ABLIM1: variants seen among roughly 807,000 people sequenced by gnomAD.
The protein encoded by ABLIM1 is actin-binding LIM protein 1.
ABLIM1 carries 40 observed loss-of-function variants against 107.0 expected under a neutral mutation model. That is an observed-to-expected ratio of 0.37 (90% confidence interval 0.29 to 0.49). The LOEUF (loss-of-function observed/expected upper bound fraction) is 0.49. ABLIM1 is among the 20% of genes least tolerant of loss of function. ABLIM1 has a pLI of 0.97. For synonymous variants in ABLIM1, 357 were observed against 357.3 expected (o/e 1.00, Z 0.01); for missense variants, 857 against 1,008.5 (o/e 0.85, Z 2.04).
chr10:114,709,847 C>T (rs2141937625), intron 1 of ABLIM1, among the ~76,000 whole-genome samples: 1 of 152,136 alleles, frequency 6.6e-6, no homozygotes, highest in South Asian at 2.1e-4. Flanking sequence ...TGACTTTTTT[C>T]CCTTCCTAAA....
chr10:114,556,611 G>A (rs984607772), intron 4 of ABLIM1, among the ~76,000 whole-genome samples: 1 of 152,172 alleles, frequency 6.6e-6, no homozygotes, highest in African/African-American at 2.4e-5. Context: ...TGACATCTTT[G>A]AGGCAGAAAT....
At position 114,700,326 on chromosome 10, in the gene ABLIM1, G is replaced by T. The variant is rs115948546; in HGVS notation, c.-213+67735C>A. On this transcript the variant is annotated intron_variant, in intron 1 of 15. Coordinates refer to the ABLIM1 transcript ENST00000651092. ...AGTAAAGATATATATCATGTCTATG[G>T]ATTATAAGGTTCAATATATAAGATC... Among the ~76,000 whole-genome samples the T allele has an allele frequency of 3.5e-3, 530 of 152,178 alleles. 3 individuals are homozygous for T. Among genetic ancestry groups the T allele is most frequent in the African/African-American group, 0.012 (504 of 41,514 alleles).
At chr10:114,716,974 G>A (rs1566267948) in intron 1 of ABLIM1, among the ~76,000 whole-genome samples, 1 of 152,060 alleles carries the variant, frequency 6.6e-6, no homozygotes, top group Non-Finnish European at 1.5e-5. Context: ...GTGTACATGT[G>A]TGCCAAATTT....
chr10:114,465,171 T>C (rs2064889796), intron 12 of ABLIM1, among the ~76,000 whole-genome samples: 1 of 152,210 alleles, frequency 6.6e-6, no homozygotes, highest in South Asian at 2.1e-4. Flanking sequence ...TGATTTTATG[T>C]TTCCTAAGAA....
At chr10:114,447,117 T>C (rs532433679) in intron 15 of ABLIM1, among the ~76,000 whole-genome samples, 4 of 152,338 alleles carry the variant, frequency 2.6e-5, no homozygotes, top group African/African-American at 9.6e-5. Flanking sequence ...TAAGATCGTG[T>C]CTTTGTAAAG....
chr10:114,643,282 G>A (rs1005044745), intron 1 of ABLIM1, among the ~76,000 whole-genome samples: 1 of 152,182 alleles, frequency 6.6e-6, no homozygotes, highest in Admixed American at 6.5e-5. Flanking sequence ...GAGGTGAGTA[G>A]GAGACAACTA....
chr10:114,632,531 G>T (rs984299547), intron 1 of ABLIM1: 1 of 985,176 alleles, frequency 1.0e-6, no homozygotes, highest in Admixed American at 6.2e-5. Context: ...GCAATTTCAA[G>T]TTCACTTTCT....
At chr10:114,551,373 A>G (rs2068038874) in intron 4 of ABLIM1, among the ~76,000 whole-genome samples, 1 of 152,258 alleles carries the variant, frequency 6.6e-6, no homozygotes, top group Non-Finnish European at 1.5e-5. Flanking sequence ...GAAAGTCTTG[A>G]GGGCTTGGCC....
At chr10:114,527,659 C>CTTTTT (rs10639922) in intron 6 of ABLIM1, among the ~76,000 whole-genome samples, 9 of 127,286 alleles carry the variant, frequency 7.1e-5, no homozygotes, top group African/African-American at 1.2e-4. Flanking sequence ...CAACTCTTGT[C>CTTTTT]TTTTTTTTTT....
chr10:114,741,481 T>G (rs1246789423), intron 1 of ABLIM1, among the ~76,000 whole-genome samples: 1 of 152,030 alleles, frequency 6.6e-6, no homozygotes, highest in East Asian at 1.9e-4. Flanking sequence ...CGCCTCAGCC[T>G]CCCAAAGTGC....
At chr10:114,491,012 G>GTGTATGTGTATATA in intron 7 of ABLIM1, among the ~76,000 whole-genome samples, 1 of 92,396 alleles carries the variant, frequency 1.1e-5, no homozygotes, top group African/African-American at 4.6e-5. Context: ...GTGTGTGTGT[G>GTGTATGTGTATATA]TATATATATA....
chr10:114,587,681 C>T (rs577833325), intron 2 of ABLIM1, among the ~76,000 whole-genome samples: 36 of 152,314 alleles, frequency 2.4e-4, no homozygotes, highest in African/African-American at 8.4e-4. Flanking sequence ...TCACCGCCCA[C>T]TGTCCTGAAC....
At chr10:114,650,895 T>A (rs1369543287) in intron 1 of ABLIM1, among the ~76,000 whole-genome samples, 1 of 152,178 alleles carries the variant, frequency 6.6e-6, no homozygotes, top group Non-Finnish European at 1.5e-5. Context: ...ATGCCAGCAT[T>A]TCTAAAATAC....
intron 7 of ABLIM1, among the ~76,000 whole-genome samples, chr10:114,491,002 G>GTATATA (rs1172082588): frequency 1.3e-5 from 1 of 78,100 alleles, no homozygotes; most frequent in African/African-American, 8.5e-5. Context: ...GTGTGTGTGT[G>GTATATA]TGTGTGTGTG....
At chr10:114,735,047 C>T (rs1353712130) in intron 1 of ABLIM1, among the ~76,000 whole-genome samples, 1 of 152,144 alleles carries the variant, frequency 6.6e-6, no homozygotes, top group Non-Finnish European at 1.5e-5. Flanking sequence ...GAATTCTTTT[C>T]TTTTTCTCTA....
At chr10:114,633,887 T>C (rs1182599025) in intron 1 of ABLIM1, among the ~76,000 whole-genome samples, 3 of 152,104 alleles carry the variant, frequency 2.0e-5, no homozygotes, top group African/African-American at 7.2e-5. Context: ...TATTTTATTA[T>C]ATTTTTGCTG....
At chr10:114,530,532 T>TTTAA (rs2065336534) in intron 6 of ABLIM1, among the ~76,000 whole-genome samples, 1 of 152,112 alleles carries the variant, frequency 6.6e-6, no homozygotes, top group African/African-American at 2.4e-5. Context: ...TAAATATTTA[T>TTTAA]TTATTTATTT....
chr10:114,651,317 C>T (rs1445325875), intron 1 of ABLIM1, among the ~76,000 whole-genome samples: 1 of 152,128 alleles, frequency 6.6e-6, no homozygotes, highest in Non-Finnish European at 1.5e-5. Context: ...AAGGGAGAAG[C>T]TTATAAACAG....
At chr10:114,474,864 T>C (rs997168194) in intron 8 of ABLIM1, among the ~76,000 whole-genome samples, 2 of 152,206 alleles carry the variant, frequency 1.3e-5, no homozygotes, top group African/African-American at 2.4e-5. Flanking sequence ...ATTCTTGTGA[T>C]AGTGAATAAG....
Sources: allele counts gnomAD v4.1 joint callset (sites outside exome capture counted in the v4.1 genomes callset), GRCh38; gene constraint gnomAD v4.1.1; transcripts MANE v1.5; gene names NCBI Gene and HGNC (gene_info 2026-07-23, HGNC 2026-07-21).